The following MTUS2 variants were observed in gnomAD, a reference collection of about 807,000 sequenced individuals.
The protein encoded by MTUS2 is microtubule-associated tumor suppressor candidate 2.
MTUS2 carries 40 observed loss-of-function variants against 114.1 expected under a neutral mutation model. That is an observed-to-expected ratio of 0.35 (90% CI 0.27 to 0.46). The LOEUF (loss-of-function observed/expected upper bound fraction) is 0.46. Among genes scored for constraint, MTUS2 ranks in the 20% least tolerant of loss-of-function variants. The pLI, the probability that MTUS2 is intolerant of heterozygous loss-of-function variation, is 1.00. For missense variants in MTUS2, 1,679 were observed against 1,705.4 expected (o/e 0.98, Z 0.27); for synonymous variants, 688 against 672.0 (o/e 1.02, Z -0.37).
At chr13:29,290,430 C>T (rs1026216902) in intron 6 of MTUS2, among the ~76,000 whole-genome samples, 4 of 152,032 alleles carry the variant, frequency 2.6e-5, no homozygotes, top group African/African-American at 9.7e-5. Context: ...CCCGGGTTCA[C>T]GCCATTCTCC....
At chr13:29,193,921 G>A (rs1282036576) in intron 5 of MTUS2, among the ~76,000 whole-genome samples, 2 of 152,118 alleles carry the variant, frequency 1.3e-5, no homozygotes, top group African/African-American at 2.4e-5. Context: ...ACAGAACAGA[G>A]CCCTCAGAAA....
intron 8 of MTUS2, among the ~76,000 whole-genome samples, chr13:29,383,425 C>T (rs1872392151): frequency 6.6e-6 from 1 of 152,078 alleles, no homozygotes. Flanking sequence ...CAGTGAGCTC[C>T]TCTGGAGGCC....
chr13:29,072,983 A>G (rs1380088094), intron 4 of MTUS2, among the ~76,000 whole-genome samples: 1 of 152,100 alleles, frequency 6.6e-6, no homozygotes, highest in Non-Finnish European at 1.5e-5. Context: ...TGTTGGTAGC[A>G]CTTTGTCATG....
intron 2 of MTUS2, among the ~76,000 whole-genome samples, chr13:28,887,415 G>A (rs1024532874): frequency 2.0e-5 from 3 of 152,184 alleles, no homozygotes; most frequent in African/African-American, 7.2e-5. Flanking sequence ...CTTAGTGAGA[G>A]TCTGCTCTGT....
At chr13:29,490,950 G>T (rs1383806648) in intron 11 of MTUS2, among the ~76,000 whole-genome samples, 1 of 151,572 alleles carries the variant, frequency 6.6e-6, no homozygotes, top group African/African-American at 2.4e-5. Context: ...TATGACTTGG[G>T]CAGGATGGTG....
At chr13:29,140,279 G>A (rs943109391) in intron 5 of MTUS2, among the ~76,000 whole-genome samples, 3 of 152,152 alleles carry the variant, frequency 2.0e-5, no homozygotes, top group Admixed American at 2.0e-4. Context: ...CCATGAAGAG[G>A]TGGATACCCA....
chr13:29,025,322 G>A lies in MTUS2; in HGVS notation c.624G>A (p.Gln208=), dbSNP rs200598538. 2,575 of 1,613,860 alleles carry A rather than the reference G, an allele frequency of 1.6e-3. 6 individuals are homozygous for A. The highest frequency in any genetic ancestry group is 1.8e-3 in the Non-Finnish European group (2,131 of 1,179,862). The part of the protein sequence containing the change: ...LSLDSREARG[Q]IPGGGEGPQK... ...TCGACTCCCGGGAAGCACGGGGTCA[G>A]ATACCTGGGGGTGGGGAGGGGCCAC... The change falls in exon 3 of 16, where the codon CAG becomes CAA. Residue 208 remains glutamine (Q), a synonymous_variant. Coordinates refer to ENST00000612955, the MANE Select transcript of MTUS2 (RefSeq NM_001033602.4).
chr13:29,255,143 T>C (rs371353871), intron 5 of MTUS2, among the ~76,000 whole-genome samples: 1 of 152,158 alleles, frequency 6.6e-6, no homozygotes, highest in Non-Finnish European at 1.5e-5. Flanking sequence ...CAGCAGCCCC[T>C]GTAATTGCAC....
At position 29,389,433 on chromosome 13, in the gene MTUS2, GTGTGTA is replaced by G. The variant is rs1315965987; in HGVS notation, c.3117+29970_3117+29975del. On this transcript the variant is annotated intron_variant, in intron 8 of 15. Transcript: ENST00000612955. ...CACGTGTGTGTGTATGTATACACGT[GTGTGTA>G]TGTGTATGTATACACGTGTGTGTAT... Among the ~76,000 whole-genome samples the G allele has an allele frequency of 3.2e-3, 342 of 105,920 alleles. 55 individuals are homozygous for G. The highest frequency in any genetic ancestry group is 0.012 in the African/African-American group (318 of 26,822). 69.5% of individuals were successfully genotyped at this position (105,920 alleles called of 152,430 possible). A position where few individuals can be genotyped will look rare whatever the true frequency, so the allele number is the denominator to read the frequency against.
At chr13:28,885,588 G>A (rs1052890376) in intron 2 of MTUS2, among the ~76,000 whole-genome samples, 2 of 152,186 alleles carry the variant, frequency 1.3e-5, no homozygotes, top group East Asian at 1.9e-4. Context: ...GTCAAATTTA[G>A]GAAGACGCCA....
Position 29,025,298 on chromosome 13 carries a change from C to G in MTUS2, c.600C>G (p.Leu200=). 2 of 1,613,944 alleles carry G rather than the reference C, an allele frequency of 1.2e-6. No homozygotes were observed. Among genetic ancestry groups the G allele is most frequent in the South Asian group, 1.1e-5 (1 of 91,082 alleles). ...CGCAGCATCCACAGCCTCTATCCCT[C>G]GACTCCCGGGAAGCACGGGGTCAGA... ...LTPQHPQPLS[L]DSREARGQIP... is the part of the protein sequence containing the mutation. Residue 200 remains leucine (L), a synonymous_variant, in exon 3 of 16, where the codon CTC becomes CTG. Transcript: ENST00000612955.
At chr13:29,068,196 C>G (rs909255805) in intron 4 of MTUS2, among the ~76,000 whole-genome samples, 2 of 152,142 alleles carry the variant, frequency 1.3e-5, no homozygotes, top group African/African-American at 4.8e-5. Context: ...TCAATTTGTT[C>G]TGATATTTAG....
intron 6 of MTUS2, chr13:29,306,900 C>CT (rs1259888061): frequency 4.8e-5 from 25 of 518,466 alleles, no homozygotes; most frequent in East Asian, 3.4e-4. Flanking sequence ...TTGACCTCAA[C>CT]TACATGGTCT....
At chr13:29,081,826 T>G (rs927382575) in intron 4 of MTUS2, among the ~76,000 whole-genome samples, 3 of 152,028 alleles carry the variant, frequency 2.0e-5, no homozygotes, top group Admixed American at 2.0e-4. Context: ...GTGGCAACCT[T>G]GAACGAGAAA....
intron 9 of MTUS2, among the ~76,000 whole-genome samples, chr13:29,469,487 C>T (rs1028913126): frequency 5.9e-5 from 9 of 151,860 alleles, no homozygotes; most frequent in African/African-American, 2.2e-4. Flanking sequence ...ATTAGTTGGG[C>T]GTGGTGGTGG....
At chr13:28,934,497 T>C (rs796335442) in intron 2 of MTUS2, among the ~76,000 whole-genome samples, 6 of 152,176 alleles carry the variant, frequency 3.9e-5, no homozygotes, top group African/African-American at 9.7e-5. Flanking sequence ...CAGAATGATA[T>C]GCTTTTTTAA....
At chr13:29,389,657 A>G (rs1440129890) in intron 8 of MTUS2, among the ~76,000 whole-genome samples, 1 of 145,230 alleles carries the variant, frequency 6.9e-6, no homozygotes, top group South Asian at 2.1e-4. Flanking sequence ...ATATACGTAT[A>G]TATGTATATG....
chr13:29,298,204 G>A (rs553006259), intron 6 of MTUS2, among the ~76,000 whole-genome samples: 41 of 152,244 alleles, frequency 2.7e-4, no homozygotes, highest in African/African-American at 9.9e-4. Flanking sequence ...ATGATGCGTT[G>A]TAGAAAATAA....
intron 2 of MTUS2, among the ~76,000 whole-genome samples, chr13:29,013,628 C>T (rs1043834347): frequency 8.5e-5 from 13 of 152,200 alleles, no homozygotes; most frequent in African/African-American, 2.4e-5. Context: ...TAACAAGGAA[C>T]TAAAAAGGAA....
Sources: allele counts gnomAD v4.1 joint callset (sites outside exome capture counted in the v4.1 genomes callset), GRCh38; gene constraint gnomAD v4.1.1; transcripts MANE v1.5; gene names NCBI Gene and HGNC (gene_info 2026-07-23, HGNC 2026-07-21).